The following ZNF704 variants were observed in gnomAD, a reference collection of about 807,000 sequenced individuals.
ZNF704 encodes zinc finger protein 704, also known as glucocorticoid induced gene 1.
In ZNF704, 10 loss-of-function variants were observed where a neutral mutation model predicts 44.7. That is an observed-to-expected ratio of 0.22 (90% CI 0.14 to 0.38). The LOEUF is 0.38. ZNF704 is among the 10% of genes least tolerant of loss of function. The pLI, the probability that ZNF704 is intolerant of heterozygous loss-of-function variation, is 1.00. For missense variants in ZNF704, 390 were observed against 545.5 expected, an observed-to-expected ratio of 0.71 and a Z score of 2.84; for synonymous variants, 211 against 207.6, an observed-to-expected ratio of 1.02 and a Z score of -0.14.
At chr8:80,792,887 A>C (rs1807736139) in intron 2 of ZNF704, among the ~76,000 whole-genome samples, 1 of 152,226 alleles carries the variant, frequency 6.6e-6, no homozygotes, top group Admixed American at 6.5e-5. Flanking sequence ...GACTTGCAAG[A>C]GATCCTGAAG....
chr8:80,858,559 C>T (rs796076793), intron 1 of ZNF704, among the ~76,000 whole-genome samples: 30 of 152,128 alleles, frequency 2.0e-4, no homozygotes, highest in African/African-American at 6.3e-4. Context: ...TGGTGAAACC[C>T]CCATCTCTAC....
At chr8:80,757,608 C>G (rs1807058045) in intron 2 of ZNF704, among the ~76,000 whole-genome samples, 1 of 152,096 alleles carries the variant, frequency 6.6e-6, no homozygotes, top group Non-Finnish European at 1.5e-5. Context: ...GGTCCTAGCC[C>G]TTCACTTCAC....
At chr8:80,836,607 T>C (rs1276484368) in intron 1 of ZNF704, among the ~76,000 whole-genome samples, 1 of 151,776 alleles carries the variant, frequency 6.6e-6, no homozygotes, top group Non-Finnish European at 1.5e-5. Context: ...CAACCCCCCG[T>C]CTCTACAAAA....
At chr8:80,765,730 A>T (rs1807216276) in intron 2 of ZNF704, among the ~76,000 whole-genome samples, 1 of 152,182 alleles carries the variant, frequency 6.6e-6, no homozygotes, top group South Asian at 2.1e-4. Context: ...TTTGACATTC[A>T]GAATTATGGC....
chr8:80,717,871 G>A (rs972927942), intron 2 of ZNF704, among the ~76,000 whole-genome samples: 8 of 152,104 alleles, frequency 5.3e-5, no homozygotes, highest in Admixed American at 5.2e-4. Context: ...TGCCATTCGA[G>A]GCCATTCATC....
intron 7 of ZNF704, among the ~76,000 whole-genome samples, chr8:80,644,146 C>T (rs1817790763): frequency 6.6e-6 from 1 of 152,158 alleles, no homozygotes; most frequent in African/African-American, 2.4e-5. Flanking sequence ...ACTATTGTTC[C>T]CATTTTACAG....
chr8:80,695,978 T>C (rs1019735270), intron 2 of ZNF704, among the ~76,000 whole-genome samples: 2 of 152,214 alleles, frequency 1.3e-5, no homozygotes, highest in Non-Finnish European at 2.9e-5. Flanking sequence ...ACATGAAACA[T>C]TACCAGATGA....
rs574900378 is a variant in ZNF704, at chr8:80,641,076, G to A, written c.*290C>T. On this transcript the variant is annotated 3_prime_UTR_variant, in exon 9 of 9. Coordinates refer to ENST00000327835, the MANE Select transcript of ZNF704 (RefSeq NM_001033723.3). ...GGTTCAATTGCTACAGAAGTCCACA[G>A]TTTTAAGTCTAGACATACAGCAAAA... The A allele has an allele frequency of 4.6e-6, 1 of 215,988 alleles. No homozygotes were observed. Among genetic ancestry groups the A allele is most frequent in the Non-Finnish European group, 9.1e-6 (1 of 109,840 alleles). 13.4% of individuals were successfully genotyped at this position (215,988 alleles called of 1,614,324 possible).
intron 2 of ZNF704, among the ~76,000 whole-genome samples, chr8:80,736,823 C>G (rs1248850833): frequency 6.6e-6 from 1 of 152,108 alleles, no homozygotes; most frequent in Non-Finnish European, 1.5e-5. Flanking sequence ...CAAACACCAC[C>G]TGTTCCCCCA....
chr8:80,652,826 A>G (rs201707654), intron 7 of ZNF704, among the ~76,000 whole-genome samples: 3 of 152,114 alleles, frequency 2.0e-5, no homozygotes, highest in South Asian at 2.1e-4. Context: ...TATGAGGCCA[A>G]CATCATCCTG....
At chr8:80,696,593 T>C (rs926784323) in intron 2 of ZNF704, among the ~76,000 whole-genome samples, 1 of 152,124 alleles carries the variant, frequency 6.6e-6, no homozygotes, top group Non-Finnish European at 1.5e-5. Flanking sequence ...GATTTTTGTA[T>C]TTTCAGTAGA....
intron 6 of ZNF704, among the ~76,000 whole-genome samples, chr8:80,662,034 T>C (rs957246730): frequency 6.6e-6 from 1 of 152,172 alleles, no homozygotes; most frequent in Admixed American, 6.5e-5. Context: ...CCTATGCATA[T>C]AACAAAATGT....
intron 4 of ZNF704, 61 bp downstream of exon 4, chr8:80,687,165 G>T: frequency 6.8e-7 from 1 of 1,476,588 alleles, no homozygotes; most frequent in South Asian, 1.2e-5. Flanking sequence ...CGGCCCTTCA[G>T]AGGGGACAGA....
At chr8:80,876,642 C>A (rs1419918545), upstream of ZNF704, among the ~76,000 whole-genome samples, 1 of 152,190 alleles carries the variant, frequency 6.6e-6, no homozygotes, top group Non-Finnish European at 1.5e-5. Flanking sequence ...CTTTCTGTGC[C>A]TGTTTCCTCA....
At chr8:80,716,518 A>C (rs1196711757) in intron 2 of ZNF704, among the ~76,000 whole-genome samples, 2 of 152,242 alleles carry the variant, frequency 1.3e-5, no homozygotes, top group African/African-American at 2.4e-5. Context: ...AGTCATTTAA[A>C]AGACATTTAC....
chr8:80,831,856 G>T (rs1228014808), intron 1 of ZNF704, among the ~76,000 whole-genome samples: 1 of 152,192 alleles, frequency 6.6e-6, no homozygotes, highest in Admixed American at 6.5e-5. Context: ...TGATGCTGAT[G>T]TTCAGATTAA....
chr8:80,861,718 A>G (rs1015662054), intron 1 of ZNF704, among the ~76,000 whole-genome samples: 10 of 151,298 alleles, frequency 6.6e-5, no homozygotes, highest in African/African-American at 2.2e-4. Context: ...CCTCAATCCC[A>G]TCACTTAAAT....
intron 2 of ZNF704, among the ~76,000 whole-genome samples, chr8:80,702,659 G>T (rs1482212512): frequency 1.3e-5 from 2 of 152,102 alleles, no homozygotes; most frequent in Non-Finnish European, 1.5e-5. Flanking sequence ...GTCAAAATCA[G>T]GTGCCGAGGA....
In ZNF704 at chr8:80,821,415, T is replaced by C. The variant is rs1392457479; in HGVS notation, c.180A>G (p.Lys60=). Residue 60 remains lysine, a synonymous_variant, in exon 2 of 9, where the codon AAA becomes AAG. Coordinates refer to ENST00000327835, the MANE Select transcript of ZNF704 (RefSeq NM_001033723.3). ...NTRSICLLEQ[K]RKVVSSNIDV... is the part of the protein sequence containing the mutation. Reference sequence around the variant, plus strand: ...CAATGTTGGAGGAAACAACTTTTCTTTTTTGCTCAAGGAGACAGATGGAGC... The same window carrying C: ...CAATGTTGGAGGAAACAACTTTTCTCTTTTGCTCAAGGAGACAGATGGAGC... 5 of 1,613,654 alleles carry C rather than the reference T, an allele frequency of 3.1e-6. No individual in the cohort carries two copies. In the African/African-American group the frequency reaches 5.3e-5, roughly 17 times the overall value.
Sources: allele counts gnomAD v4.1 joint callset (sites outside exome capture counted in the v4.1 genomes callset), GRCh38; gene constraint gnomAD v4.1.1; transcripts MANE v1.5; gene names NCBI Gene and HGNC (gene_info 2026-07-23, HGNC 2026-07-21).